The following ZZEF1 variants were observed in gnomAD, a reference collection of about 807,000 sequenced individuals.
ZZEF1 encodes the protein zinc finger ZZ-type and EF-hand domain containing 1, also known as zinc finger ZZ-type and EF-hand domain-containing protein 1.
Under a neutral mutation model 342.8 loss-of-function variants are expected in ZZEF1, and 157 were observed. That is an observed-to-expected ratio of 0.46 (90% confidence interval 0.40 to 0.52). ZZEF1 has a LOEUF of 0.52. Among genes scored for constraint, ZZEF1 ranks in the 20% least tolerant of loss-of-function variants. The pLI is 0.00. For synonymous variants in ZZEF1, 1,505 were observed against 1,429.1 expected, an observed-to-expected ratio of 1.05 and a Z score of -1.20; for missense variants, 3,480 against 3,725.6, an observed-to-expected ratio of 0.93 and a Z score of 1.72.
Position 4,066,496 on chromosome 17 carries a change from T to C in ZZEF1, c.4200A>G (p.Ala1400=), listed in dbSNP as rs772342032. The stretch of plus-strand genomic sequence containing the variant: ...TAGCTTCTGAACTATGTTTTTCTTC[T>C]GCTTCATTCCCCAGGCTCATCAGGG... The part of the protein sequence containing the change: ...QKSLMSLGNE[A]EEKHSSEATE... The change falls in exon 28 of 55, where the codon GCA becomes GCG. Residue 1400 remains alanine, a synonymous_variant. Coordinates refer to ENST00000381638, the MANE Select transcript of ZZEF1 (RefSeq NM_015113.4). 2 of 1,614,166 alleles carry C rather than the reference T, an allele frequency of 1.2e-6. No individual in the cohort carries two copies. Among genetic ancestry groups the C allele is most frequent in the South Asian group, 2.2e-5 (2 of 91,082 alleles).
chr17:4,086,711 A>G, intron 14 of ZZEF1, 56 bp from the exon 15 acceptor site: 1 of 1,581,154 alleles, frequency 6.3e-7, no homozygotes, highest in South Asian at 1.1e-5. Context: ...TTTACTCTCC[A>G]AAGCCATATA....
At chr17:4,054,445 T>C (rs746891578) in intron 33 of ZZEF1, among the ~76,000 whole-genome samples, 1 of 152,180 alleles carries the variant, frequency 6.6e-6, no homozygotes, top group Non-Finnish European at 1.5e-5. Flanking sequence ...TGGCTACCAA[T>C]GGGTATTCAG....
Position 4,070,790 on chromosome 17 carries a change from T to G in ZZEF1, c.3969A>C (p.Pro1323=). 1 of 1,614,178 alleles carries G rather than the reference T, an allele frequency of 6.2e-7. No individual in the cohort carries two copies. The highest frequency in any genetic ancestry group is 8.5e-7 in the Non-Finnish European group (1 of 1,180,048). The change falls in exon 26 of 55, where the codon CCA becomes CCC. Residue 1323 remains proline (P), a synonymous_variant. Transcript: ENST00000381638. ...GFIQACRKQA[P]KTDIVAGSTI... is the part of the protein sequence containing the mutation. ...TGGAACCAGCAACTATATCTGTCTT[T>G]GGGGCCTGTTTTCTACATGCCTGTA... is the stretch of plus-strand genomic sequence containing the variant.
intron 1 of ZZEF1, 53 bp downstream of exon 1, chr17:4,142,489 C>A: frequency 6.4e-7 from 1 of 1,565,510 alleles, no homozygotes. Flanking sequence ...TTCCTTCAGT[C>A]CCCTGGGGGC....
At chr17:4,086,872 G>T (rs1172910468) in intron 14 of ZZEF1, among the ~76,000 whole-genome samples, 1 of 152,062 alleles carries the variant, frequency 6.6e-6, no homozygotes, top group Non-Finnish European at 1.5e-5. Flanking sequence ...TGTGGGGAAG[G>T]AAGTTCATTT....
At chr17:4,097,555 G>A (rs8082483) in intron 9 of ZZEF1, among the ~76,000 whole-genome samples, 24,980 of 150,372 alleles carry the variant, frequency 0.17, 2,122 homozygotes, top group East Asian at 0.18. Flanking sequence ...TGCCTTTTAT[G>A]GTCTCTAAAC....
At chr17:4,076,194 C>T (rs1486220572) in intron 21 of ZZEF1, 1 of 136,698 alleles carries the variant, frequency 7.3e-6, no homozygotes, top group East Asian at 2.1e-4. Flanking sequence ...TGCAGTGGCG[C>T]AATCTCGGCT....
intron 42 of ZZEF1, among the ~76,000 whole-genome samples, chr17:4,031,621 C>T (rs760595926): frequency 2.2e-4 from 34 of 152,124 alleles, no homozygotes; most frequent in Non-Finnish European, 3.2e-4. Context: ...GATGGCTTCA[C>T]GAGCAGAACT....
At chr17:4,029,922 G>A (rs985285586) in intron 42 of ZZEF1, among the ~76,000 whole-genome samples, 5 of 148,490 alleles carry the variant, frequency 3.4e-5, no homozygotes, top group African/African-American at 9.9e-5. Flanking sequence ...GCAGCCAGGT[G>A]TGGTAACTCA....
At chr17:4,030,470 G>A (rs2056517491) in intron 42 of ZZEF1, among the ~76,000 whole-genome samples, 1 of 152,182 alleles carries the variant, frequency 6.6e-6, no homozygotes, top group Non-Finnish European at 1.5e-5. Flanking sequence ...ACATCTGTCT[G>A]GTTAAGGTAT....
chr17:4,123,293 A>G (rs1225070234), intron 2 of ZZEF1, among the ~76,000 whole-genome samples: 2 of 103,274 alleles, frequency 1.9e-5, no homozygotes, highest in East Asian at 6.2e-4. Context: ...ATATATATAT[A>G]TATATATATA....
Position 4,014,204 on chromosome 17 carries a change from T to A in ZZEF1, c.8315-16A>T, listed in dbSNP as rs976286605. 2.3e-5 allele frequency: 37 copies of A among 1,613,738 alleles called. No homozygotes were observed. Among genetic ancestry groups the A allele is most frequent in the Non-Finnish European group, 1.5e-5 (18 of 1,179,820 alleles). On this transcript the variant is annotated splice_polypyrimidine_tract_variant and intron_variant, in intron 50 of 54. Transcript: ENST00000381638. The surrounding 1 kb of genome is among the most constrained non-coding windows in gnomAD (Gnocchi z 4.4). ...AGAGTGTCTCCTAGGCACACAAGGA[T>A]CAGAGGCCCATCAGGAACTGAAGCA...
At chr17:4,037,205 A>G (rs1446815903) in intron 39 of ZZEF1, among the ~76,000 whole-genome samples, 1 of 152,230 alleles carries the variant, frequency 6.6e-6, no homozygotes, top group Non-Finnish European at 1.5e-5. Context: ...CATAGTTTCA[A>G]AGACTCTCCC....
chr17:4,051,917 A>G, intron 35 of ZZEF1, 54 bp downstream of exon 35: 1 of 1,538,864 alleles, frequency 6.5e-7, no homozygotes, highest in Non-Finnish European at 8.7e-7. Flanking sequence ...TCCCTTTTCA[A>G]GTGAAGGAAC....
At chr17:4,035,782 A>C (rs1224164905) in intron 39 of ZZEF1, among the ~76,000 whole-genome samples, 3 of 152,160 alleles carry the variant, frequency 2.0e-5, no homozygotes, top group Non-Finnish European at 4.4e-5. Context: ...CAAGGGGGCA[A>C]CCTGGATTAG....
chr17:4,083,618 A>C (rs1597866408), intron 16 of ZZEF1, among the ~76,000 whole-genome samples: 1 of 138,366 alleles, frequency 7.2e-6, no homozygotes, highest in Admixed American at 7.5e-5. Context: ...ATCAGGGACC[A>C]CATTTTATGC....
At chr17:4,009,203 C>T in intron 53 of ZZEF1, 1 of 583,028 alleles carries the variant, frequency 1.7e-6, no homozygotes, top group South Asian at 2.1e-5. Context: ...AGCCAGTTTC[C>T]TCATGTGTGA....
chr17:4,046,969 A>G (rs942916834), intron 37 of ZZEF1, among the ~76,000 whole-genome samples: 26 of 152,240 alleles, frequency 1.7e-4, no homozygotes, highest in South Asian at 6.2e-4. Flanking sequence ...AGGGGCCCCA[A>G]TGGGATACAG....
intron 6 of ZZEF1, among the ~76,000 whole-genome samples, chr17:4,107,551 G>C (rs1209578430): frequency 6.6e-6 from 1 of 152,206 alleles, no homozygotes; most frequent in African/African-American, 2.4e-5. Flanking sequence ...ACTCGAGGAA[G>C]ATAAGAAGGG....
Sources: gnomAD v4.1 joint callset for allele counts (sites outside exome capture counted in the v4.1 genomes callset) on GRCh38, gnomAD v4.1.1 for gene constraint, Gnocchi (gnomAD v3.1) non-coding constraint, MANE v1.5 for transcripts, NCBI Gene and HGNC (gene_info 2026-07-23, HGNC 2026-07-21) for gene names.